The following CD82 variants were observed in gnomAD, a reference collection of about 807,000 sequenced individuals.
CD82 encodes the protein CD82 molecule.
In CD82, 36 loss-of-function variants were observed where a neutral mutation model predicts 37.4. The ratio of observed to expected loss-of-function variants is 0.96; its 90% CI spans 0.74 to 1.27. The LOEUF (loss-of-function observed/expected upper bound fraction) is 1.27, where lower values mean the gene tolerates loss of function less well. Ranked by LOEUF, CD82 falls within the 50% of genes most tolerant of loss-of-function variation. The pLI is 0.00. For missense variants in CD82, 340 were observed against 347.0 expected (o/e 0.98, Z 0.16); for synonymous variants, 158 against 137.4 (o/e 1.15, Z -1.05).
rs571288221 is a variant in CD82, at chr11:44,568,665, G to A, written c.-103+2929G>A. Among the ~76,000 whole-genome samples the A allele has an allele frequency of 2.0e-5, 3 of 152,300 alleles. 1 individual carries two copies. The highest frequency in any genetic ancestry group is 7.2e-5 in the African/African-American group (3 of 41,566). ...ACAAGTTTCCCACAGTAGGGGGACT[G>A]GGGCAGGATTTTGGCTTCCCTGGGC... On this transcript the variant is annotated intron_variant, in intron 1 of 9. Transcript: ENST00000227155.
chr11:44,564,437 A>AT (rs1852697263), upstream of CD82: 2 of 456,190 alleles, frequency 4.4e-6, no homozygotes, highest in South Asian at 1.5e-5. Context: ...GTGAGAGGAC[A>AT]TTGTGATAAT....
chr11:44,605,195 C>T lies in CD82; in HGVS notation c.261+13C>T. The T allele has an allele frequency of 1.2e-6, 2 of 1,611,390 alleles. No homozygotes were observed. On this transcript the variant is annotated intron_variant, in intron 5 of 9. Coordinates refer to ENST00000227155, the MANE Select transcript of CD82 (RefSeq NM_002231.4). The stretch of plus-strand genomic sequence containing the variant: ...CCTGCTGGGGCTGGTGAGTACGGAT[C>T]CCTCCGCAGCTGCCTGCCCATTTCC...
chr11:44,584,174 A>G (rs1265720986), intron 1 of CD82, among the ~76,000 whole-genome samples: 1 of 152,196 alleles, frequency 6.6e-6, no homozygotes, highest in African/African-American at 2.4e-5. Context: ...GGATCCCACC[A>G]GCATCTTGCT....
intron 1 of CD82, among the ~76,000 whole-genome samples, chr11:44,570,678 T>G (rs1307114176): frequency 1.3e-5 from 2 of 151,412 alleles, no homozygotes; most frequent in Non-Finnish European, 2.9e-5. Flanking sequence ...GTCCTGGAAT[T>G]GCTTTCAGCA....
intron 8 of CD82, 120 bp downstream of exon 8, chr11:44,618,485 C>T: frequency 1.9e-6 from 2 of 1,055,910 alleles, no homozygotes; most frequent in South Asian, 1.4e-5. Flanking sequence ...GTCATTTGTA[C>T]CTTCATCTAC....
At chr11:44,611,188 G>A (rs961990507) in intron 6 of CD82, among the ~76,000 whole-genome samples, 12 of 152,028 alleles carry the variant, frequency 7.9e-5, no homozygotes, top group African/African-American at 4.8e-5. Context: ...TTTGCACTAG[G>A]TGTAAATTAT....
intron 1 of CD82, among the ~76,000 whole-genome samples, chr11:44,577,013 C>T (rs559345209): frequency 1.9e-4 from 29 of 152,192 alleles, no homozygotes; most frequent in African/African-American, 7.0e-4. Flanking sequence ...GATCCCAGAG[C>T]TCTTAGCTGG....
chr11:44,616,049 T>C (rs561030009), intron 7 of CD82, among the ~76,000 whole-genome samples: 15 of 152,272 alleles, frequency 9.9e-5, no homozygotes, highest in Non-Finnish European at 2.2e-4. Context: ...ATGCTGCATG[T>C]GCCCTTGGCT....
chr11:44,602,853 G>A lies in CD82; in HGVS notation c.137-2205G>A, dbSNP rs537709239. The stretch of plus-strand genomic sequence containing the variant: ...CTCGCAGTTTGTCTGGTCTCCCAGG[G>A]GAAGGATCTGAGTTGGGGTCTCAGC... On this transcript the variant is annotated intron_variant, in intron 4 of 9. Transcript: ENST00000227155. Among the ~76,000 whole-genome samples the A allele has an allele frequency of 5.3e-5, 8 of 152,204 alleles. No individual in the cohort carries two copies. In the South Asian group the frequency reaches 1.2e-3, roughly 24 times the overall value.
At chr11:44,584,885 A>T (rs899689689) in intron 1 of CD82, among the ~76,000 whole-genome samples, 4 of 152,194 alleles carry the variant, frequency 2.6e-5, no homozygotes, top group African/African-American at 9.7e-5. Context: ...AGGACCAGAG[A>T]GCTGGTGGCC....
chr11:44,592,437 T>G (rs537860064), intron 2 of CD82, among the ~76,000 whole-genome samples: 5 of 152,312 alleles, frequency 3.3e-5, no homozygotes, highest in Non-Finnish European at 5.9e-5. Context: ...CCCCGTATTG[T>G]TTACTGGGAG....
intron 4 of CD82, among the ~76,000 whole-genome samples, chr11:44,602,476 C>A (rs1590343258): frequency 6.6e-6 from 1 of 152,206 alleles, no homozygotes; most frequent in African/African-American, 2.4e-5. Flanking sequence ...TTTTATAATA[C>A]AATTTAATCC....
At chr11:44,582,208 A>T (rs779862362) in intron 1 of CD82, among the ~76,000 whole-genome samples, 10 of 152,050 alleles carry the variant, frequency 6.6e-5, no homozygotes, top group Non-Finnish European at 1.5e-4. Context: ...GCTGAATGAG[A>T]TAAGATCAGT....
At chr11:44,570,940 C>T (rs1291347942) in intron 1 of CD82, among the ~76,000 whole-genome samples, 2 of 152,156 alleles carry the variant, frequency 1.3e-5, no homozygotes. Flanking sequence ...TCCATGCAGA[C>T]CCCCAGGTGG....
chr11:44,583,571 C>T (rs1446062830), intron 1 of CD82, among the ~76,000 whole-genome samples: 3 of 152,030 alleles, frequency 2.0e-5, no homozygotes, highest in South Asian at 2.1e-4. Context: ...AAGGGTGGGA[C>T]GGTGGGCTGC....
At position 44,619,157 on chromosome 11, in the gene CD82, C is replaced by G. The variant is rs751381541; in HGVS notation, c.*31C>G. 2 of 1,569,412 alleles carry G rather than the reference C, an allele frequency of 1.3e-6. No individual in the cohort carries two copies. Among genetic ancestry groups the G allele is most frequent in the Non-Finnish European group, 1.8e-6 (2 of 1,139,522 alleles). On this transcript the variant is annotated 3_prime_UTR_variant, in exon 10 of 10. Transcript: ENST00000227155. ...CTGCTATCCCCATCTCCCTGCCTGG[C>G]CCCCAACCTCAGGGCTCCCAGGGGT...
At chr11:44,567,409 TG>T (rs1469833624) in intron 1 of CD82, among the ~76,000 whole-genome samples, 1 of 144,890 alleles carries the variant, frequency 6.9e-6, no homozygotes, top group Non-Finnish European at 1.5e-5. Flanking sequence ...CAGGGGGAGG[TG>T]TTCAGAAGAG....
At chr11:44,564,500 C>T (rs906022818), upstream of CD82, 6 of 456,176 alleles carry the variant, frequency 1.3e-5, no homozygotes, top group African/African-American at 1.2e-4. Context: ...GGTCATTAAC[C>T]AGGTAATCTG....
intron 5 of CD82, 83 bp from the exon 6 acceptor site, chr11:44,605,272 G>A: frequency 6.2e-7 from 1 of 1,609,958 alleles, no homozygotes; most frequent in Non-Finnish European, 8.5e-7. Context: ...AACATCGGGT[G>A]GAGAGCATCT....
Sources: allele counts gnomAD v4.1 joint callset (sites outside exome capture counted in the v4.1 genomes callset), GRCh38; gene constraint gnomAD v4.1.1; transcripts MANE v1.5; gene names NCBI Gene and HGNC (gene_info 2026-07-23, HGNC 2026-07-21).